Variants in SH3PXD2A observed in about 807,000 individuals in gnomAD.
SH3PXD2A encodes SH3 and PX domain-containing protein 2A.
A neutral mutation model predicts 115.2 loss-of-function variants in SH3PXD2A; 32 were observed. The ratio of observed to expected loss-of-function variants is 0.28; its 90% CI spans 0.21 to 0.37. The LOEUF is 0.37. Among genes scored for constraint, SH3PXD2A ranks in the 10% least tolerant of loss-of-function variants. SH3PXD2A has a pLI of 1.00. For missense variants in SH3PXD2A, 1,328 were observed against 1,498.7 expected, an observed-to-expected ratio of 0.89 and a Z score of 1.88; for synonymous variants, 610 against 629.1, an observed-to-expected ratio of 0.97 and a Z score of 0.45.
chr10:103,684,998 C>T (rs546209923), intron 6 of SH3PXD2A, among the ~76,000 whole-genome samples: 4 of 151,478 alleles, frequency 2.6e-5, no homozygotes, highest in South Asian at 2.1e-4. Flanking sequence ...CCAGTCTGAA[C>T]GACAGAGCCT....
chr10:103,594,323 G>C lies in SH3PXD2A; in HGVS notation c.*7493C>G, dbSNP rs2036104092. The C allele has an allele frequency of 6.6e-6, 1 of 152,652 alleles. No individual in the cohort carries two copies. The highest frequency in any genetic ancestry group is 2.4e-5 in the African/African-American group (1 of 41,462). The allele number at this position is 152,652 out of a possible 1,614,324, so 9.5% of individuals were successfully genotyped here. A position where few individuals can be genotyped will look rare whatever the true frequency, so the allele number is the denominator to read the frequency against. On this transcript the variant is annotated 3_prime_UTR_variant, in exon 15 of 15. Transcript: ENST00000369774. ...TAGTTTAGCACCACCATTGATTCTG[G>C]AAATATTTCAGCACTCAAATCGACT...
chr10:103,821,924 G>T (rs2039385164), intron 1 of SH3PXD2A, among the ~76,000 whole-genome samples: 1 of 141,844 alleles, frequency 7.1e-6, no homozygotes. Context: ...TTTTTTTTGA[G>T]ACAAAGTCTT....
rs2036157417 is a variant in SH3PXD2A at position 103,597,879 on chromosome 10, G to A, written c.*3937C>T. ...TTAAATACAATAACAGGAAAAATAG[G>A]GGTTATTTTATCTTTTTCCCCTTAT... On this transcript the variant is annotated 3_prime_UTR_variant, in exon 15 of 15. Transcript: ENST00000369774. 1.3e-5 allele frequency: 2 copies of A among 152,412 alleles called. No individual in the cohort carries two copies. 9.4% of individuals were successfully genotyped at this position (152,412 alleles called of 1,614,324 possible).
chr10:103,792,676 C>T (rs911214131), intron 2 of SH3PXD2A, among the ~76,000 whole-genome samples: 66 of 152,260 alleles, frequency 4.3e-4, no homozygotes, highest in African/African-American at 1.4e-3. Context: ...AACCCAAGTG[C>T]CCTGGCCCTG....
At chr10:103,843,918 G>T (rs938805958) in intron 1 of SH3PXD2A, among the ~76,000 whole-genome samples, 1 of 152,140 alleles carries the variant, frequency 6.6e-6, no homozygotes, top group African/African-American at 2.4e-5. Flanking sequence ...GATTAAATGA[G>T]ACAAGTGCCT....
chr10:103,648,765 G>C (rs970789879), intron 8 of SH3PXD2A, among the ~76,000 whole-genome samples: 2 of 152,232 alleles, frequency 1.3e-5, no homozygotes, highest in Non-Finnish European at 2.9e-5. Flanking sequence ...CAAATTGCAA[G>C]ATCAGATCGT....
At chr10:103,760,661 T>C (rs909765712) in intron 3 of SH3PXD2A, among the ~76,000 whole-genome samples, 2 of 151,458 alleles carry the variant, frequency 1.3e-5, no homozygotes, top group East Asian at 1.9e-4. Flanking sequence ...AATATGTATA[T>C]GTAACGAGGG....
chr10:103,726,490 C>T (rs751041414), intron 4 of SH3PXD2A, among the ~76,000 whole-genome samples: 1 of 152,266 alleles, frequency 6.6e-6, no homozygotes, highest in Non-Finnish European at 1.5e-5. Context: ...TCCATGCAGG[C>T]GCGATTTTAG....
At chr10:103,754,009 G>T (rs2038610259) in intron 3 of SH3PXD2A, 3 of 152,148 alleles carry the variant, frequency 2.0e-5, no homozygotes. Context: ...TCGTCTTTCA[G>T]ATCAGAAACA....
rs1318532730 is a variant in SH3PXD2A, at chr10:103,796,896, CTG to C, written c.153+4384_153+4385del. ...TTTTTTTTTGAGATAGGGTGTTACT[CTG>C]TTGCCCAGGCTGGAGTGCAGTGGCG... On this transcript the variant is annotated intron_variant, in intron 2 of 14. Transcript: ENST00000369774. Among the ~76,000 whole-genome samples, 5 of 125,310 alleles carry C rather than the reference CTG, an allele frequency of 4.0e-5. No individual in the cohort carries two copies. The East Asian group carries it at 1.2e-3, about 29-fold the overall frequency. The allele number at this position is 125,310 out of a possible 152,430, so 82.2% of individuals were successfully genotyped here.
chr10:103,687,056 A>G (rs74233831), intron 6 of SH3PXD2A, among the ~76,000 whole-genome samples: 11,431 of 152,090 alleles, frequency 0.075, 562 homozygotes, highest in African/African-American at 0.14. Flanking sequence ...TTGGGAATGT[A>G]TTTTTATAGT....
rs185122458 is a variant in SH3PXD2A at position 103,661,708 on chromosome 10, G to C, written c.473-594C>G. 59 of 985,292 alleles carry C rather than the reference G, an allele frequency of 6.0e-5. 1 individual carries two copies. The East Asian group carries it at 4.2e-3, about 70-fold the overall frequency. The allele number at this position is 985,292 out of a possible 1,614,324, so 61.0% of individuals were successfully genotyped here. A position where few individuals can be genotyped will look rare whatever the true frequency, so the allele number is the denominator to read the frequency against. On this transcript the variant is annotated intron_variant, in intron 7 of 14. Transcript: ENST00000369774. Reference sequence around the variant, plus strand: ...AGAGAGCGGGAGAGAGCTTCTCCACGGCCCAGGCCCAGGCGAGGAGTCAAG... The same window carrying C: ...AGAGAGCGGGAGAGAGCTTCTCCACCGCCCAGGCCCAGGCGAGGAGTCAAG...
At chr10:103,706,119 C>A (rs1384896120) in intron 5 of SH3PXD2A, among the ~76,000 whole-genome samples, 1 of 152,154 alleles carries the variant, frequency 6.6e-6, no homozygotes, top group Non-Finnish European at 1.5e-5. Flanking sequence ...CAGGAAGAAA[C>A]CTGGCTGGTG....
chr10:103,603,381 C>A lies in SH3PXD2A; in HGVS notation c.1837G>T (p.Ala613Ser). Residue 613 changes from alanine to serine, a missense_variant, in exon 15 of 15, where the codon GCC (alanine) becomes TCC (serine). Around this residue, in one of 5 missense-constraint regions of SH3PXD2A, gnomAD observed 509 missense variants for 628.3 expected, o/e 0.81. Coordinates refer to ENST00000369774, the MANE Select transcript of SH3PXD2A (RefSeq NM_001394015.1). The part of the protein sequence containing the change: ...FKVGESSEDV[A>S]LEEETIYENE... ...TCATAGATGGTCTCCTCTTCCAGGG[C>A]CACATCCTCTGAAGACTCACCCACC... 6.2e-7 allele frequency: 1 copy of A among 1,614,168 alleles called. No individual in the cohort carries two copies. The highest frequency in any genetic ancestry group is 8.5e-7 in the Non-Finnish European group (1 of 1,180,016).
At chr10:103,851,441 C>CCTGTA (rs1354879681) in intron 1 of SH3PXD2A, among the ~76,000 whole-genome samples, 8 of 152,110 alleles carry the variant, frequency 5.3e-5, no homozygotes, top group Non-Finnish European at 1.0e-4. Context: ...TAAAGACAAC[C>CCTGTA]CTGTACTGCT....
intron 1 of SH3PXD2A, among the ~76,000 whole-genome samples, chr10:103,821,142 CTTT>C (rs5787500): frequency 1.3e-4 from 13 of 100,290 alleles, no homozygotes; most frequent in Admixed American, 1.1e-4. Flanking sequence ...GTCGTTCATT[CTTT>C]TTTTTTTTTT....
intron 1 of SH3PXD2A, among the ~76,000 whole-genome samples, chr10:103,808,896 A>G (rs760451898): frequency 6.6e-6 from 1 of 152,202 alleles, no homozygotes; most frequent in Non-Finnish European, 1.5e-5. Context: ...TCTAATGCCA[A>G]TCAAATTCAC....
chr10:103,825,244 A>G (rs1329529131), intron 1 of SH3PXD2A, among the ~76,000 whole-genome samples: 1 of 152,140 alleles, frequency 6.6e-6, no homozygotes, highest in Non-Finnish European at 1.5e-5. Context: ...ACCTGCTTCC[A>G]TGAAAACCAA....
At position 103,735,701 on chromosome 10, in the gene SH3PXD2A, G is replaced by A. The variant is rs2038371587; in HGVS notation, c.306+31C>T. Reference sequence around the variant, plus strand: ...CTCTCCTCCCTGAAGCCCTCCCCGAGCCCCTCCCCCAGCCCCAGATACACT... The same window carrying A: ...CTCTCCTCCCTGAAGCCCTCCCCGAACCCCTCCCCCAGCCCCAGATACACT... On this transcript the variant is annotated intron_variant, in intron 4 of 14. Coordinates refer to ENST00000369774, the MANE Select transcript of SH3PXD2A (RefSeq NM_001394015.1). The A allele has an allele frequency of 5.5e-6, 7 of 1,278,176 alleles. No homozygotes were observed. In the Admixed American group the frequency reaches 1.2e-4, roughly 22 times the overall value. 79.2% of individuals were successfully genotyped at this position (1,278,176 alleles called of 1,614,324 possible).
Sources: allele counts gnomAD v4.1 joint callset (sites outside exome capture counted in the v4.1 genomes callset), GRCh38; gene constraint gnomAD v4.1.1; regional missense constraint gnomAD v4.1.1; transcripts MANE v1.5; gene names NCBI Gene and HGNC (gene_info 2026-07-23, HGNC 2026-07-21).